FOXH1: variants seen among roughly 807,000 people sequenced by gnomAD.
FOXH1 encodes the protein forkhead box H1.
FOXH1 carries 10 observed loss-of-function variants against 14.2 expected under a neutral mutation model. That is an observed-to-expected ratio of 0.70 (90% CI 0.43 to 1.19). FOXH1 has a LOEUF of 1.19. Ranked by LOEUF, FOXH1 falls within the 50% of genes most tolerant of loss-of-function variation. The pLI, the probability that FOXH1 is intolerant of heterozygous loss-of-function variation, is 0.00. For missense variants in FOXH1, 643 were observed against 492.1 expected, an observed-to-expected ratio of 1.31 and a Z score of -2.90; for synonymous variants, 273 against 209.5, an observed-to-expected ratio of 1.30 and a Z score of -2.62.
Position 144,474,905 on chromosome 8 carries a change from A to G in FOXH1, c.431T>C (p.Leu144Pro). ...GGARGAFAKD[L>P]GPYVLHGRPY... Reference sequence around the variant, plus strand: ...CCGGCCGTGCAGCACGTAGGGGCCCAGGTCCTTGGCGAAGGCTCCACGCGC... The same window carrying G: ...CCGGCCGTGCAGCACGTAGGGGCCCGGGTCCTTGGCGAAGGCTCCACGCGC... Residue 144 changes from leucine (L) to proline (P), a missense_variant, in exon 3 of 3, where the codon CTG becomes CCG. Coordinates refer to ENST00000377317, the MANE Select transcript of FOXH1 (RefSeq NM_003923.3). 1 of 1,609,906 alleles carries G rather than the reference A, an allele frequency of 6.2e-7. No homozygotes were observed. The highest frequency in any genetic ancestry group is 2.2e-5 in the East Asian group (1 of 44,846).
At chr8:144,475,464 G>A (rs888883896) in intron 1 of FOXH1, 119 bp downstream of exon 1, 2 of 893,042 alleles carry the variant, frequency 2.2e-6, no homozygotes, top group African/African-American at 3.4e-5. Flanking sequence ...CAGCTCTCAG[G>A]ACTGGTCCCA....
Position 144,475,029 on chromosome 8 carries a change from C to T in FOXH1, c.307G>A (p.Ala103Thr), listed in dbSNP as rs768244062. The change falls in exon 3 of 3, where the codon GCC (alanine) becomes ACC (threonine). Residue 103 changes from alanine (A) to threonine (T), a missense_variant. Ala to Thr is a moderately conservative substitution (Grantham distance 58). Transcript: ENST00000377317. Reference sequence around the variant, plus strand: ...TCGACCGCCCAGAAGTTGCCCTTGGCCTGGGGCTTTGCAGGGTCCTTGGGC... The same window carrying T: ...TCGACCGCCCAGAAGTTGCCCTTGGTCTGGGGCTTTGCAGGGTCCTTGGGC... ...KVPKDPAKPQ[A>T]KGNFWAVDVS... 6 of 1,603,550 alleles carry T rather than the reference C, an allele frequency of 3.7e-6. No individual in the cohort carries two copies. The African/African-American group carries it at 6.7e-5, about 18-fold the overall frequency.
In FOXH1 at chr8:144,474,638, A is replaced by G. The variant is rs1465713933; in HGVS notation, c.698T>C (p.Val233Ala). 2 of 1,575,726 alleles carry G rather than the reference A, an allele frequency of 1.3e-6. No individual in the cohort carries two copies. Among genetic ancestry groups the G allele is most frequent in the Non-Finnish European group, 1.7e-6 (2 of 1,159,962 alleles). ...TGAGGGCCCGATGGCTCCCCCCTGCACAGTCTCCCCCTCCACTCTCGTGGG... is the reference window on the plus strand; with the variant it reads ...TGAGGGCCCGATGGCTCCCCCCTGCGCAGTCTCCCCCTCCACTCTCGTGGG... ...PGPTRVEGET[V>A]QGGAIGPSTL... The change falls in exon 3 of 3, where the codon GTG becomes GCG. Residue 233 changes from valine to alanine, a missense_variant. Transcript: ENST00000377317.
At position 144,474,476 on chromosome 8, in the gene FOXH1, G is replaced by C. The variant is rs757242299; in HGVS notation, c.860C>G (p.Pro287Arg). The C allele has an allele frequency of 1.2e-6, 2 of 1,612,334 alleles. No individual in the cohort carries two copies. The highest frequency in any genetic ancestry group is 1.7e-6 in the Non-Finnish European group (2 of 1,179,984). Reference protein sequence around the residue: ...LPTSYLPIYTPNVVMPLAPPP... With the variant: ...LPTSYLPIYTRNVVMPLAPPP... ...TGGTGCCAAGGGCATTACCACATTG[G>C]GAGTGTAGATAGGCAAGTAGGAGGT... Residue 287 changes from proline to arginine, a missense_variant, in exon 3 of 3, where the codon CCC becomes CGC. Transcript: ENST00000377317.
Position 144,474,142 on chromosome 8 carries a change from G to A in FOXH1, c.*96C>T. ...GCAAGGCTGCTGCCTGGTGTTTCGA[G>A]GCTGCTGTGGTCGCAGACAGCCGCC... On this transcript the variant is annotated 3_prime_UTR_variant, in exon 3 of 3. Transcript: ENST00000377317. 1.1e-6 allele frequency: 1 copy of A among 951,134 alleles called. No homozygotes were observed. The highest frequency in any genetic ancestry group is 1.5e-6 in the Non-Finnish European group (1 of 647,822). The allele number at this position is 951,134 out of a possible 1,614,324, so 58.9% of individuals were successfully genotyped here.
rs781308579 is a variant in FOXH1 at position 144,474,413 on chromosome 8, G to C, written c.923C>G (p.Pro308Arg). 6.2e-7 allele frequency: 1 copy of C among 1,613,304 alleles called. No homozygotes were observed. Among genetic ancestry groups the C allele is most frequent in the Non-Finnish European group, 8.5e-7 (1 of 1,180,010 alleles). The part of the protein sequence containing the change: ...TSCPQCPSTS[P>R]AYWGVAPETR... ...TTCAGGGGCCACCCCCCAGTAGGCA[G>C]GGCTGGTTGACGGACACTGGGGACA... Residue 308 changes from proline to arginine, a missense_variant, in exon 3 of 3, where the codon CCT (proline) becomes CGT (arginine). By Grantham distance (103) the Pro-to-Arg change is moderately radical. Transcript: ENST00000377317.
rs374207785 is a variant in FOXH1, at chr8:144,474,586, C to T, written c.750G>A (p.Trp250Ter). Residue 250 changes from tryptophan to a stop codon, truncating the protein, a stop_gained, in exon 3 of 3, where the codon TGG becomes TGA. Transcript: ENST00000377317. LOFTEE classifies it low-confidence loss of function (END_TRUNC). Reference protein sequence around the residue: ...PSTLSPEPRAWPLHLLQGTAV... With the variant: ...PSTLSPEPRA The stretch of plus-strand genomic sequence containing the variant: ...CGGTGCCCTGCAGTAAGTGGAGAGG[C>T]CAGGCCCTAGGCTCTGGGGAGAGGG... 2.5e-6 allele frequency: 4 copies of T among 1,609,142 alleles called. No homozygotes were observed. Among genetic ancestry groups the T allele is most frequent in the Non-Finnish European group, 2.5e-6 (3 of 1,179,066 alleles).
chr8:144,475,126 GC>G (rs906417838), intron 2 of FOXH1, 30 bp downstream of exon 2: 1 of 1,608,758 alleles, frequency 6.2e-7, no homozygotes, highest in African/African-American at 1.3e-5. Flanking sequence ...CGCGCGCTCC[GC>G]CCCCGGGCTC....
At position 144,475,785 on chromosome 8, in the gene FOXH1, C is replaced by T; in HGVS notation, c.-29G>A. The T allele has an allele frequency of 2.9e-6, 4 of 1,363,344 alleles. No homozygotes were observed. Among genetic ancestry groups the T allele is most frequent in the Non-Finnish European group, 3.8e-6 (4 of 1,055,086 alleles). 84.5% of individuals were successfully genotyped at this position (1,363,344 alleles called of 1,614,324 possible). On this transcript the variant is annotated 5_prime_UTR_variant, in exon 1 of 3. Transcript: ENST00000377317. ...GGACGGTAGACAGCGTGGGCAGGGG[C>T]CTGGCCGGGTGGAGGGTGCAGGGCG...
chr8:144,474,767 C>A lies in FOXH1; in HGVS notation c.569G>T (p.Ser190Ile). 1 of 1,591,140 alleles carries A rather than the reference C, an allele frequency of 6.3e-7. No individual in the cohort carries two copies. Among genetic ancestry groups the A allele is most frequent in the Non-Finnish European group, 8.6e-7 (1 of 1,167,690 alleles). The change falls in exon 3 of 3, where the codon AGC becomes ATC. Residue 190 changes from serine to isoleucine, a missense_variant. Physicochemically the swap from Ser to Ile is moderately radical, Grantham distance 142 (BLOSUM62 -2). Transcript: ENST00000377317. ...APWPGLAPQS[S>I]PVPAGTGNSG... ...GTTCCCTGTGCCTGCAGGAACTGGG[C>A]TGCTCTGTGGAGCTAGCCCCGGCCA...
Position 144,475,734 on chromosome 8 carries a change from C to A in FOXH1, c.23G>T (p.Arg8Leu). The change falls in exon 1 of 3, where the codon CGC (arginine) becomes CTC (leucine). Residue 8 changes from arginine (R) to leucine (L), a missense_variant. Arg to Leu is a moderately radical substitution (Grantham distance 102). Transcript: ENST00000377317. Reference protein sequence around the residue: MGPCSGSRLGPPEAESPS... With the variant: MGPCSGSLLGPPEAESPS... ...CGACTCTGCCTCTGGGGGCCCCAGG[C>A]GGGAGCCGCTGCAGGGCCCCATGCG... The A allele has an allele frequency of 7.1e-7, 1 of 1,410,928 alleles. No individual in the cohort carries two copies. The highest frequency in any genetic ancestry group is 2.7e-5 in the East Asian group (1 of 37,656). 87.4% of individuals were successfully genotyped at this position (1,410,928 alleles called of 1,614,324 possible).
In FOXH1 at chr8:144,473,714, C is replaced by T. The variant is rs1325726363; in HGVS notation, c.*524G>A. The stretch of plus-strand genomic sequence containing the variant: ...GTTACCCAAGTCACCACTCCTGACC[C>T]AAAAATCAGGCATGGCATTAAAACG... On this transcript the variant is annotated 3_prime_UTR_variant, in exon 3 of 3. Transcript: ENST00000377317. 8.5e-6 allele frequency: 4 copies of T among 469,964 alleles called. No homozygotes were observed. Among genetic ancestry groups the T allele is most frequent in the African/African-American group, 2.0e-5 (1 of 49,280 alleles). 29.1% of individuals were successfully genotyped at this position (469,964 alleles called of 1,614,324 possible).
Position 144,474,161 on chromosome 8 carries a change from A to T in FOXH1, c.*77T>A. On this transcript the variant is annotated 3_prime_UTR_variant, in exon 3 of 3. Coordinates refer to ENST00000377317, the MANE Select transcript of FOXH1 (RefSeq NM_003923.3). ...TTTCGAGGCTGCTGTGGTCGCAGAC[A>T]GCCGCCTCGCCTTGGCTCCCTGTCA... The T allele has an allele frequency of 1.7e-6, 2 of 1,178,758 alleles. No homozygotes were observed. Among genetic ancestry groups the T allele is most frequent in the Non-Finnish European group, 2.4e-6 (2 of 849,608 alleles). 73.0% of individuals were successfully genotyped at this position (1,178,758 alleles called of 1,614,324 possible).
At position 144,475,167 on chromosome 8, in the gene FOXH1, C is replaced by T. The variant is rs1162544138; in HGVS notation, c.269G>A (p.Cys90Tyr). The T allele has an allele frequency of 6.2e-7, 1 of 1,613,454 alleles. No individual in the cohort carries two copies. Among genetic ancestry groups the T allele is most frequent in the Non-Finnish European group, 8.5e-7 (1 of 1,179,836 alleles). ...SIRHNLSSNR[C>Y]FRKVPKDPAK... ...CCTGGCCTGCCCCACCTTGCGGAAG[C>T]ATCGGTTGGAGGAAAGGTTGTGGCG... The change falls in exon 2 of 3, where the codon TGC (cysteine) becomes TAC (tyrosine). Residue 90 changes from cysteine to tyrosine, a missense_variant. By Grantham distance (194) the Cys-to-Tyr change is radical. Transcript: ENST00000377317.
At position 144,473,425 on chromosome 8, in the gene FOXH1, C is replaced by T. The variant is rs768944021; in HGVS notation, c.*813G>A. On this transcript the variant is annotated 3_prime_UTR_variant, in exon 3 of 3. Transcript: ENST00000377317. ...CGGCCCTGCCCATGGGGTCTCAGGC[C>T]AGGTCTCTGCTGGCAGAGGCGGTAG... 3.2e-6 allele frequency: 5 copies of T among 1,553,510 alleles called. No homozygotes were observed. The Admixed American group carries it at 5.6e-5, about 17-fold the overall frequency.
rs765146615 is a variant in FOXH1, at chr8:144,474,472, A to G, written c.864T>C (p.Asn288=). ...PTSYLPIYTP[N]VVMPLAPPPT... ...GTGGTGGTGCCAAGGGCATTACCAC[A>G]TTGGGAGTGTAGATAGGCAAGTAGG... The change falls in exon 3 of 3, where the codon AAT becomes AAC. Residue 288 remains asparagine, a synonymous_variant. Transcript: ENST00000377317. 18 of 1,612,292 alleles carry G rather than the reference A, an allele frequency of 1.1e-5. No individual in the cohort carries two copies. The highest frequency in any genetic ancestry group is 6.7e-5 in the Admixed American group (4 of 59,988).
chr8:144,475,505 G>T, intron 1 of FOXH1, 78 bp downstream of exon 1: 1 of 1,187,984 alleles, frequency 8.4e-7, no homozygotes, highest in Non-Finnish European at 1.2e-6. Flanking sequence ...AGGAAGGGGT[G>T]GGGGTCAGGG....
chr8:144,475,209 C>G lies in FOXH1; in HGVS notation c.227G>C (p.Gly76Ala). Residue 76 changes from glycine (G) to alanine (A), a missense_variant, in exon 2 of 3, where the codon GGC (glycine) becomes GCC (alanine). Physicochemically the swap from Gly to Ala is moderately conservative, Grantham distance 60. Coordinates refer to ENST00000377317, the MANE Select transcript of FOXH1 (RefSeq NM_003923.3). ...VFPFFREDYE[G>A]WKDSIRHNLS... ...GTTGTGGCGAATGGAGTCTTTCCAG[C>G]CCTCGTAGTCTTCCCTGAAGAAGGG... The G allele has an allele frequency of 6.2e-7, 1 of 1,613,636 alleles. No homozygotes were observed. The highest frequency in any genetic ancestry group is 1.6e-4 in the Middle Eastern group (1 of 6,062).
rs1014601071 is a variant in FOXH1, at chr8:144,474,091, G to A, written c.*147C>T. On this transcript the variant is annotated 3_prime_UTR_variant, in exon 3 of 3. Transcript: ENST00000377317. Reference sequence around the variant, plus strand: ...GCTGGGCCACGGCCATGCGTGGGGTGGCCCAATAAACACCGTGGACTCCCA... The same window carrying A: ...GCTGGGCCACGGCCATGCGTGGGGTAGCCCAATAAACACCGTGGACTCCCA... The A allele has an allele frequency of 4.7e-6, 3 of 644,732 alleles. No homozygotes were observed. The highest frequency in any genetic ancestry group is 8.0e-6 in the Non-Finnish European group (3 of 377,198). The allele number at this position is 644,732 out of a possible 1,614,324, so 39.9% of individuals were successfully genotyped here.
Sources: gnomAD v4.1 joint callset for allele counts on GRCh38, gnomAD v4.1.1 for gene constraint, MANE v1.5 for transcripts, NCBI Gene and HGNC (gene_info 2026-07-23, HGNC 2026-07-21) for gene names.